AKAP6: variants seen among roughly 807,000 people sequenced by gnomAD.
AKAP6 encodes A-kinase anchor protein 6.
AKAP6 carries 58 observed loss-of-function variants against 188.5 expected under a neutral mutation model. That is an observed-to-expected ratio of 0.31 (90% CI 0.25 to 0.38). AKAP6 has a LOEUF of 0.38. Among genes scored for constraint, AKAP6 ranks in the 10% least tolerant of loss-of-function variants. The probability of loss-of-function intolerance (pLI) is 1.00; values close to 1 mark genes in which losing one functional copy is unlikely to be tolerated. For synonymous variants in AKAP6, 989 were observed against 998.6 expected (o/e 0.99, Z 0.18); for missense variants, 2,710 against 2,740.0 (o/e 0.99, Z 0.24).
chr14:32,603,315 A>G (rs552048530), intron 7 of AKAP6, among the ~76,000 whole-genome samples: 1 of 152,264 alleles, frequency 6.6e-6, no homozygotes, highest in Non-Finnish European at 1.5e-5. Context: ...AGTGGACTGC[A>G]GAGATGGCAC....
At chr14:32,724,272 C>A (rs1378744817) in intron 9 of AKAP6, among the ~76,000 whole-genome samples, 1 of 151,884 alleles carries the variant, frequency 6.6e-6, no homozygotes, top group Non-Finnish European at 1.5e-5. Flanking sequence ...AAGAATGGAC[C>A]AAAGAAGAGA....
At chr14:32,803,285 A>C (rs1475162023) in intron 12 of AKAP6, among the ~76,000 whole-genome samples, 1 of 136,908 alleles carries the variant, frequency 7.3e-6, no homozygotes, top group East Asian at 2.0e-4. Flanking sequence ...CTCTATAAAA[A>C]AAAAAACAAA....
chr14:32,554,806 C>T (rs1396001139), intron 4 of AKAP6, among the ~76,000 whole-genome samples: 2 of 152,174 alleles, frequency 1.3e-5, no homozygotes, highest in African/African-American at 4.8e-5. Context: ...CTCAGTGAAG[C>T]ATTTCAGGAG....
At chr14:32,680,360 G>T (rs1267787441) in intron 8 of AKAP6, among the ~76,000 whole-genome samples, 1 of 152,164 alleles carries the variant, frequency 6.6e-6, no homozygotes, top group Non-Finnish European at 1.5e-5. Flanking sequence ...GGGGTGTCCT[G>T]CCCTTAAAAC....
chr14:32,426,194 C>A (rs1594601526), intron 1 of AKAP6, among the ~76,000 whole-genome samples: 1 of 152,038 alleles, frequency 6.6e-6, no homozygotes, highest in Non-Finnish European at 1.5e-5. Flanking sequence ...TTAATGACAC[C>A]CCTGGGGCCT....
intron 1 of AKAP6, among the ~76,000 whole-genome samples, chr14:32,432,532 G>A (rs918916785): frequency 1.3e-5 from 2 of 152,086 alleles, no homozygotes; most frequent in Non-Finnish European, 2.9e-5. Flanking sequence ...AAATATTAAT[G>A]TAATTTAGAT....
chr14:32,611,902 G>C, intron 7 of AKAP6, among the ~76,000 whole-genome samples: 1 of 152,170 alleles, frequency 6.6e-6, no homozygotes, highest in East Asian at 1.9e-4. Context: ...CAGTGGATCT[G>C]TGATTTTCAG....
intron 6 of AKAP6, among the ~76,000 whole-genome samples, chr14:32,600,085 T>A (rs1026789316): frequency 1.3e-5 from 2 of 152,226 alleles, no homozygotes; most frequent in Non-Finnish European, 2.9e-5. Flanking sequence ...ATCCTGATAA[T>A]AGAAGACTGT....
chr14:32,655,642 G>A (rs370853460), intron 7 of AKAP6, among the ~76,000 whole-genome samples: 3 of 152,120 alleles, frequency 2.0e-5, no homozygotes, highest in Non-Finnish European at 2.9e-5. Context: ...TGGTTTCATC[G>A]AAGTAAGAGA....
intron 12 of AKAP6, among the ~76,000 whole-genome samples, chr14:32,790,754 G>T (rs2033583511): frequency 6.6e-6 from 1 of 151,962 alleles, no homozygotes; most frequent in Admixed American, 6.6e-5. Flanking sequence ...TTGTCCTAAT[G>T]CTCTCTATCC....
At chr14:32,766,356 T>A (rs1009785179) in intron 11 of AKAP6, among the ~76,000 whole-genome samples, 2 of 152,104 alleles carry the variant, frequency 1.3e-5, no homozygotes, top group South Asian at 4.1e-4. Context: ...TGTTTTCAGT[T>A]CTCTTGGGTA....
At chr14:32,765,831 C>T (rs1431488223) in intron 11 of AKAP6, among the ~76,000 whole-genome samples, 2 of 152,050 alleles carry the variant, frequency 1.3e-5, no homozygotes, top group Non-Finnish European at 2.9e-5. Context: ...GTATGACACA[C>T]CCTAGCAGAA....
intron 12 of AKAP6, among the ~76,000 whole-genome samples, chr14:32,775,448 T>A (rs1442396561): frequency 1.3e-5 from 2 of 149,946 alleles, no homozygotes; most frequent in Non-Finnish European, 3.0e-5. Context: ...TTTTTTTTTT[T>A]CAAGGATGGA....
intron 8 of AKAP6, among the ~76,000 whole-genome samples, chr14:32,692,051 A>G (rs917060986): frequency 2.6e-5 from 4 of 152,332 alleles, no homozygotes; most frequent in Admixed American, 6.5e-5. Context: ...TTGGGTACCA[A>G]TGAAACAAAA....
At chr14:32,343,911 A>C (rs759714581) in intron 1 of AKAP6, among the ~76,000 whole-genome samples, 4 of 151,982 alleles carry the variant, frequency 2.6e-5, no homozygotes, top group Non-Finnish European at 4.4e-5. Flanking sequence ...TGTGGTCATA[A>C]CGTTCTCTGA....
At chr14:32,706,068 T>A (rs1039139961) in intron 9 of AKAP6, among the ~76,000 whole-genome samples, 1 of 152,164 alleles carries the variant, frequency 6.6e-6, no homozygotes, top group Non-Finnish European at 1.5e-5. Context: ...TTTGTGGAGC[T>A]GTGCTAATAA....
At chr14:32,412,820 C>T (rs1889530951) in intron 1 of AKAP6, among the ~76,000 whole-genome samples, 1 of 152,192 alleles carries the variant, frequency 6.6e-6, no homozygotes, top group Admixed American at 6.5e-5. Context: ...TTATCAGCAA[C>T]CTGCCTTGGT....
chr14:32,443,140 AAT>A (rs1308268757), intron 2 of AKAP6, among the ~76,000 whole-genome samples: 3 of 152,058 alleles, frequency 2.0e-5, no homozygotes, highest in African/African-American at 4.8e-5. Flanking sequence ...TCACGCCTGT[AAT>A]CCCAGTACTT....
At chr14:32,665,429 G>A (rs1422680719) in intron 7 of AKAP6, among the ~76,000 whole-genome samples, 1 of 152,144 alleles carries the variant, frequency 6.6e-6, no homozygotes, top group Non-Finnish European at 1.5e-5. Flanking sequence ...AAAGGATATT[G>A]TAAAGGATAC....
Sources: gnomAD v4.1 joint callset for allele counts (sites outside exome capture counted in the v4.1 genomes callset) on GRCh38, gnomAD v4.1.1 for gene constraint, MANE v1.5 for transcripts, NCBI Gene and HGNC (gene_info 2026-07-23, HGNC 2026-07-21) for gene names.